SEZ6L: variants seen among roughly 807,000 people sequenced by gnomAD.
The protein encoded by SEZ6L is seizure 6-like protein.
In SEZ6L, 37 loss-of-function variants were observed where a neutral mutation model predicts 106.2. That is an observed-to-expected ratio of 0.35 (90% CI 0.27 to 0.46). The LOEUF is 0.46. Among genes scored for constraint, SEZ6L ranks in the 20% least tolerant of loss-of-function variants. The pLI is 1.00. For missense variants in SEZ6L, 1,172 were observed against 1,332.8 expected (o/e 0.88, Z 1.88); for synonymous variants, 541 against 570.4 (o/e 0.95, Z 0.73).
intron 8 of SEZ6L, 125 bp downstream of exon 8, chr22:26,312,087 TTTCC>T: frequency 2.1e-6 from 2 of 933,586 alleles, no homozygotes; most frequent in Non-Finnish European, 3.2e-6. Context: ...ATTAGAACCC[TTTCC>T]AGGGTTCACT....
At chr22:26,274,600 A>G (rs752397771) in intron 1 of SEZ6L, among the ~76,000 whole-genome samples, 6 of 152,146 alleles carry the variant, frequency 3.9e-5, no homozygotes, top group Admixed American at 6.5e-5. Context: ...CACTAGAAGG[A>G]CTCAGAACTT....
intron 9 of SEZ6L, among the ~76,000 whole-genome samples, chr22:26,318,864 G>T (rs1396749624): frequency 1.3e-5 from 2 of 152,040 alleles, no homozygotes; most frequent in Non-Finnish European, 2.9e-5. Context: ...GTTGCTTGGG[G>T]GAAAGAATCA....
At position 26,340,622 on chromosome 22, in the gene SEZ6L, G is replaced by A. The variant is rs267606208; in HGVS notation, c.2202G>A (p.Met734Ile). ...TTGGAAAGGGCCAGGGATTTATCATGAACTACATAGGTAGGTGTCTCATCT... is the reference window on the plus strand; with the variant it reads ...TTGGAAAGGGCCAGGGATTTATCATAAACTACATAGGTAGGTGTCTCATCT... Reference protein sequence around the residue: ...LIFGKGQGFIMNYIEVSRNDS... With the variant: ...LIFGKGQGFIINYIEVSRNDS... Residue 734 changes from methionine to isoleucine, a missense_variant, in exon 10 of 17, where the codon ATG (methionine) becomes ATA (isoleucine). Physicochemically the swap from Met to Ile is conservative, Grantham distance 10. Around this residue, in one of 4 missense-constraint regions of SEZ6L, gnomAD observed 534 missense variants for 691.0 expected, o/e 0.77. Coordinates refer to ENST00000248933, the MANE Select transcript of SEZ6L (RefSeq NM_021115.5). 6.2e-7 allele frequency: 1 copy of A among 1,613,158 alleles called. No homozygotes were observed. Among genetic ancestry groups the A allele is most frequent in the African/African-American group, 1.3e-5 (1 of 74,882 alleles).
At chr22:26,348,646 A>AAGAAAGAAAGAAAGAG (rs1556371589) in intron 11 of SEZ6L, among the ~76,000 whole-genome samples, 5 of 7,694 alleles carry the variant, frequency 6.5e-4, no homozygotes, top group African/African-American at 4.0e-3. Flanking sequence ...GAAAGAAAGA[A>AAGAAAGAAAGAAAGAG]AAAGAAAGAA....
chr22:26,331,028 C>T (rs1205512513), intron 9 of SEZ6L, among the ~76,000 whole-genome samples: 4 of 152,158 alleles, frequency 2.6e-5, no homozygotes, highest in Non-Finnish European at 5.9e-5. Context: ...AGGTGGCTTG[C>T]TCATCATGTC....
chr22:26,342,999 ATCT>A (rs926138526), intron 10 of SEZ6L, among the ~76,000 whole-genome samples: 4 of 152,186 alleles, frequency 2.6e-5, no homozygotes, highest in African/African-American at 9.6e-5. Flanking sequence ...ACGAGTATTG[ATCT>A]TCTTTTTTAT....
chr22:26,221,817 T>C (rs2078482450), intron 1 of SEZ6L, among the ~76,000 whole-genome samples: 1 of 152,090 alleles, frequency 6.6e-6, no homozygotes. Context: ...ATTGGTTGAT[T>C]TCTGCTTGGA....
chr22:26,375,645 C>T lies in SEZ6L; in HGVS notation c.2898C>T (p.Leu966=). 6.2e-7 allele frequency: 1 copy of T among 1,614,130 alleles called. No individual in the cohort carries two copies. Among genetic ancestry groups the T allele is most frequent in the Non-Finnish European group, 8.5e-7 (1 of 1,180,006 alleles). ...CCCTGGCTATCTTCATCCCGGTCCT[C>T]ATCATCTCCTTACTGCTGGGAGGAG... ...NMALAIFIPV[L]IISLLLGGAY... Residue 966 remains leucine (L), a synonymous_variant, in exon 15 of 17, where the codon CTC becomes CTT. Coordinates refer to ENST00000248933, the MANE Select transcript of SEZ6L (RefSeq NM_021115.5).
At chr22:26,262,903 C>A (rs2080061795) in intron 1 of SEZ6L, among the ~76,000 whole-genome samples, 1 of 152,164 alleles carries the variant, frequency 6.6e-6, no homozygotes, top group South Asian at 2.1e-4. Flanking sequence ...ACTTTGATTT[C>A]TTTTCAATTC....
At chr22:26,291,531 C>CCA (rs1479277714) in intron 1 of SEZ6L, among the ~76,000 whole-genome samples, 1 of 152,142 alleles carries the variant, frequency 6.6e-6, no homozygotes, top group African/African-American at 2.4e-5. Context: ...GTGCAGCAAA[C>CCA]CACCATGGCA....
chr22:26,275,390 G>C (rs1413380013), intron 1 of SEZ6L, among the ~76,000 whole-genome samples: 1 of 152,148 alleles, frequency 6.6e-6, no homozygotes, highest in Non-Finnish European at 1.5e-5. Flanking sequence ...ATGTTCAGTA[G>C]GTTAGGTGTA....
Position 26,256,855 on chromosome 22 carries a change from A to G in SEZ6L, c.95-35551A>G, listed in dbSNP as rs767382262. On this transcript the variant is annotated intron_variant, in intron 1 of 16. Coordinates refer to ENST00000248933, the MANE Select transcript of SEZ6L (RefSeq NM_021115.5). ...TCAAGCCTGACATCTACTGCCATGG[A>G]GGGAGTTTGTCATCGGCTGAGATTC... Among the ~76,000 whole-genome samples, 144 of 152,250 alleles carry G rather than the reference A, an allele frequency of 9.5e-4. 2 individuals carry two copies. Among genetic ancestry groups the G allele is most frequent in the Non-Finnish European group, 1.5e-3 (103 of 68,008 alleles).
rs73879860 is a variant in SEZ6L at position 26,255,316 on chromosome 22, G to T, written c.95-37090G>T. 7.3e-3 allele frequency among the ~76,000 whole-genome samples: 1,119 copies of T among 152,292 alleles called. 18 individuals carry two copies. Among genetic ancestry groups the T allele is most frequent in the African/African-American group, 0.026 (1,076 of 41,558 alleles). On this transcript the variant is annotated intron_variant, in intron 1 of 16. Transcript: ENST00000248933. ...TGCTTCCCTCGGGAGCCTGGTTAAT[G>T]CTTGAAGGAGGCCTAGAATAAATCA...
At chr22:26,299,225 C>CAT in intron 5 of SEZ6L, 56 bp downstream of exon 5, 1 of 1,297,922 alleles carries the variant, frequency 7.7e-7, no homozygotes, top group South Asian at 2.4e-5. Context: ...AGGGGAAAGA[C>CAT]CAACCTGTAG....
At chr22:26,279,856 C>T (rs1008113505) in intron 1 of SEZ6L, among the ~76,000 whole-genome samples, 16 of 152,248 alleles carry the variant, frequency 1.1e-4, no homozygotes, top group South Asian at 1.0e-3. Flanking sequence ...CTGCTCCCCA[C>T]GGAAATGTGA....
At chr22:26,326,939 T>C (rs2082322752) in intron 9 of SEZ6L, among the ~76,000 whole-genome samples, 1 of 152,214 alleles carries the variant, frequency 6.6e-6, no homozygotes, top group African/African-American at 2.4e-5. Flanking sequence ...AGTTCGTTTT[T>C]CTTGGAGGAG....
chr22:26,247,514 C>T (rs1424493897), intron 1 of SEZ6L, among the ~76,000 whole-genome samples: 1 of 152,024 alleles, frequency 6.6e-6, no homozygotes, highest in East Asian at 1.9e-4. Context: ...GAGAAGAATG[C>T]CATGTGATGA....
intron 1 of SEZ6L, among the ~76,000 whole-genome samples, chr22:26,261,813 G>C (rs1207397): frequency 1.3e-5 from 2 of 152,044 alleles, no homozygotes; most frequent in Admixed American, 6.5e-5. Flanking sequence ...ATAATAAAAA[G>C]TGTGGTTCAG....
chr22:26,331,907 C>T (rs115931327), intron 9 of SEZ6L, among the ~76,000 whole-genome samples: 6,068 of 152,014 alleles, frequency 0.04, 385 homozygotes, highest in African/African-American at 0.14. Flanking sequence ...GGCTTAAACC[C>T]GGGGAGGGTG....
Sources: allele counts gnomAD v4.1 joint callset (sites outside exome capture counted in the v4.1 genomes callset), GRCh38; gene constraint gnomAD v4.1.1; regional missense constraint gnomAD v4.1.1; transcripts MANE v1.5; gene names NCBI Gene and HGNC (gene_info 2026-07-23, HGNC 2026-07-21).